PTPRG: variants seen among roughly 807,000 people sequenced by gnomAD.
PTPRG encodes receptor-type tyrosine-protein phosphatase gamma.
In PTPRG, 102 loss-of-function variants were observed where a neutral mutation model predicts 165.3. The observed-to-expected ratio is 0.62, with a 90% CI of 0.53 to 0.73. The LOEUF is 0.73. Ranked by LOEUF, PTPRG falls within the 30% of genes least tolerant of loss-of-function variation. The pLI is 0.00. For synonymous variants in PTPRG, 675 were observed against 669.5 expected, an observed-to-expected ratio of 1.01 and a Z score of -0.13; for missense variants, 1,866 against 1,861.4, an observed-to-expected ratio of 1.00 and a Z score of -0.05.
intron 1 of PTPRG, among the ~76,000 whole-genome samples, chr3:61,672,392 G>A (rs1190875843): frequency 7.3e-6 from 1 of 137,048 alleles, no homozygotes; most frequent in African/African-American, 2.7e-5. Flanking sequence ...AGGTTGTAGC[G>A]AGCCGAGATC....
rs140157564 is a variant in PTPRG at position 61,898,967 on chromosome 3, G to A, written c.191-90658G>A. 4.2e-4 allele frequency among the ~76,000 whole-genome samples: 64 copies of A among 152,090 alleles called. 1 individual carries two copies. Among genetic ancestry groups the A allele is most frequent in the African/African-American group, 1.4e-3 (58 of 41,472 alleles). On this transcript the variant is annotated intron_variant, in intron 2 of 29. Coordinates refer to ENST00000474889, the MANE Select transcript of PTPRG (RefSeq NM_002841.4). ...TCTGTCACCCAGGCTGGAGTGCGGC[G>A]GCGCCATCATGGCTCACTGTAGCCT...
intron 2 of PTPRG, among the ~76,000 whole-genome samples, chr3:61,896,007 A>G (rs1456185950): frequency 2.0e-5 from 3 of 152,192 alleles, no homozygotes; most frequent in Non-Finnish European, 4.4e-5. Context: ...ATTGATATGG[A>G]TATAGTCCAC....
intron 1 of PTPRG, among the ~76,000 whole-genome samples, chr3:61,705,733 T>G (rs1466115613): frequency 6.6e-6 from 1 of 152,198 alleles, no homozygotes; most frequent in Non-Finnish European, 1.5e-5. Context: ...GATTAAATGC[T>G]TATTACTGCT....
At chr3:61,918,088 C>A (rs1354847358) in intron 2 of PTPRG, among the ~76,000 whole-genome samples, 3 of 152,020 alleles carry the variant, frequency 2.0e-5, no homozygotes. Flanking sequence ...AATTTTTTCC[C>A]CTATAACTTG....
At chr3:62,293,103 CT>C (rs1484123461) in intron 29 of PTPRG, 57 bp from the exon 30 acceptor site, 3 of 1,371,124 alleles carry the variant, frequency 2.2e-6, no homozygotes, top group Non-Finnish European at 2.9e-6. Flanking sequence ...GTATTTCCAC[CT>C]TATGTGAAAT....
At chr3:61,893,067 G>T (rs553436132) in intron 2 of PTPRG, among the ~76,000 whole-genome samples, 3 of 152,298 alleles carry the variant, frequency 2.0e-5, no homozygotes, top group South Asian at 4.1e-4. Context: ...ATCTTGATGG[G>T]TGGCACGTCA....
At chr3:61,772,442 G>A (rs949258900) in intron 2 of PTPRG, among the ~76,000 whole-genome samples, 1 of 151,910 alleles carries the variant, frequency 6.6e-6, no homozygotes, top group East Asian at 1.9e-4. Flanking sequence ...ATTTTATAAA[G>A]TATAAAATAT....
At chr3:61,833,636 C>T (rs187617074) in intron 2 of PTPRG, among the ~76,000 whole-genome samples, 13 of 150,374 alleles carry the variant, frequency 8.6e-5, no homozygotes, top group Non-Finnish European at 1.6e-4. Flanking sequence ...GATCTCGGCT[C>T]GCTGCAACCT....
intron 1 of PTPRG, among the ~76,000 whole-genome samples, chr3:61,707,184 A>G (rs113096547): frequency 1.6e-4 from 25 of 152,350 alleles, no homozygotes; most frequent in African/African-American, 6.0e-4. Context: ...GCTGAAGTGA[A>G]AAAAGTAGCA....
At chr3:62,132,353 C>T (rs540536892) in intron 5 of PTPRG, among the ~76,000 whole-genome samples, 4 of 152,258 alleles carry the variant, frequency 2.6e-5, no homozygotes, top group African/African-American at 9.6e-5. Flanking sequence ...TAAGATTTTG[C>T]TAGGACTATA....
intron 5 of PTPRG, among the ~76,000 whole-genome samples, chr3:62,084,086 T>C (rs1216006311): frequency 6.6e-6 from 1 of 152,242 alleles, no homozygotes. Flanking sequence ...TTAAGAAACG[T>C]TTCTTATGTG....
chr3:61,922,878 T>TA (rs1339601856), intron 2 of PTPRG, among the ~76,000 whole-genome samples: 1 of 152,184 alleles, frequency 6.6e-6, no homozygotes, highest in Non-Finnish European at 1.5e-5. Flanking sequence ...AGAACTCAGG[T>TA]ACTCTGCCTG....
chr3:61,741,736 T>C (rs2106882700), intron 1 of PTPRG, among the ~76,000 whole-genome samples: 1 of 152,270 alleles, frequency 6.6e-6, no homozygotes, highest in African/African-American at 2.4e-5. Flanking sequence ...TACAGTCAGA[T>C]GAACCAGTGT....
At chr3:61,738,004 G>T (rs1468862668) in intron 1 of PTPRG, among the ~76,000 whole-genome samples, 2 of 150,494 alleles carry the variant, frequency 1.3e-5, no homozygotes, top group East Asian at 3.9e-4. Flanking sequence ...CGCCTCCGGG[G>T]TTCACGCCAT....
At chr3:61,639,957 G>A (rs779583491) in intron 1 of PTPRG, among the ~76,000 whole-genome samples, 2 of 152,000 alleles carry the variant, frequency 1.3e-5, no homozygotes, top group Non-Finnish European at 2.9e-5. Context: ...GTTGAAAGTG[G>A]GTGTCCCTGT....
chr3:61,910,308 C>T (rs2038768193), intron 2 of PTPRG, among the ~76,000 whole-genome samples: 1 of 152,096 alleles, frequency 6.6e-6, no homozygotes, highest in African/African-American at 2.4e-5. Context: ...AAAATGTGCT[C>T]CATCACTTCC....
At chr3:61,891,355 A>G (rs941186458) in intron 2 of PTPRG, among the ~76,000 whole-genome samples, 19 of 152,216 alleles carry the variant, frequency 1.2e-4, no homozygotes, top group Middle Eastern at 3.4e-3. Flanking sequence ...GTCATCCTCC[A>G]TCCTACCCTG....
chr3:62,098,068 G>T (rs1702174841), intron 5 of PTPRG, among the ~76,000 whole-genome samples: 1 of 152,090 alleles, frequency 6.6e-6, no homozygotes, highest in Admixed American at 6.5e-5. Context: ...TAGAATGATT[G>T]CATGACTGAT....
intron 1 of PTPRG, among the ~76,000 whole-genome samples, chr3:61,703,937 C>G (rs1014432474): frequency 2.0e-5 from 3 of 152,132 alleles, no homozygotes; most frequent in African/African-American, 4.8e-5. Flanking sequence ...CAAAAGTGAG[C>G]TGGATATACT....
Sources: gnomAD v4.1 joint callset for allele counts (sites outside exome capture counted in the v4.1 genomes callset) on GRCh38, gnomAD v4.1.1 for gene constraint, MANE v1.5 for transcripts, NCBI Gene and HGNC (gene_info 2026-07-23, HGNC 2026-07-21) for gene names.